RBFOX1: variants seen among roughly 807,000 people sequenced by gnomAD.
RBFOX1 encodes the protein RNA binding protein fox-1 homolog 1.
A neutral mutation model predicts 57.7 loss-of-function variants in RBFOX1; 8 were observed. That is an observed-to-expected ratio of 0.14 (90% CI 0.08 to 0.25). The LOEUF (loss-of-function observed/expected upper bound fraction) is 0.25, where lower values mean the gene tolerates loss of function less well. Ranked by LOEUF, RBFOX1 falls within the 10% of genes least tolerant of loss-of-function variation. The pLI, the probability that RBFOX1 is intolerant of heterozygous loss-of-function variation, is 1.00. For missense variants in RBFOX1, 611 were observed against 548.5 expected, an observed-to-expected ratio of 1.11 and a Z score of -1.14; for synonymous variants, 326 against 222.4, an observed-to-expected ratio of 1.47 and a Z score of -4.15.
intron 3 of RBFOX1, among the ~76,000 whole-genome samples, chr16:6,817,965 G>A (rs1176285680): frequency 2.0e-5 from 3 of 152,092 alleles, no homozygotes; most frequent in African/African-American, 4.8e-5. Flanking sequence ...GAGATGATCT[G>A]GTTTTAAACG....
intron 4 of RBFOX1, among the ~76,000 whole-genome samples, chr16:5,876,420 C>G (rs974192825): frequency 6.6e-6 from 1 of 152,128 alleles, no homozygotes; most frequent in African/African-American, 2.4e-5. Flanking sequence ...GACTCACACC[C>G]GAGGCTATCA....
chr16:5,793,871 C>T (rs1037622963), intron 3 of RBFOX1, among the ~76,000 whole-genome samples: 2 of 152,200 alleles, frequency 1.3e-5, no homozygotes, highest in Admixed American at 6.5e-5. Flanking sequence ...GACTGGAATC[C>T]AGCACGTTCT....
intron 4 of RBFOX1, among the ~76,000 whole-genome samples, chr16:5,976,318 A>G (rs919016216): frequency 1.3e-5 from 2 of 152,224 alleles, no homozygotes; most frequent in African/African-American, 4.8e-5. Context: ...CATCAGGATG[A>G]AAAGCTCACA....
intron 3 of RBFOX1, among the ~76,000 whole-genome samples, chr16:6,996,212 T>C (rs756267970): frequency 4.6e-5 from 7 of 152,250 alleles, no homozygotes; most frequent in Non-Finnish European, 1.0e-4. Flanking sequence ...CCTAGCCATC[T>C]TGAATACAGG....
intron 4 of RBFOX1, among the ~76,000 whole-genome samples, chr16:7,420,441 G>C (rs1238100371): frequency 6.6e-6 from 1 of 152,208 alleles, no homozygotes; most frequent in South Asian, 2.1e-4. Context: ...AGCAGCTTTT[G>C]TGAAGGACTC....
chr16:6,321,555 C>A (rs149329016), intron 2 of RBFOX1, among the ~76,000 whole-genome samples: 87 of 152,356 alleles, frequency 5.7e-4, no homozygotes, highest in African/African-American at 2.0e-3. Flanking sequence ...TTCATCTATT[C>A]TAACTGGTTG....
intron 2 of RBFOX1, among the ~76,000 whole-genome samples, chr16:6,560,398 T>G (rs1296920017): frequency 1.3e-5 from 2 of 151,794 alleles, no homozygotes; most frequent in Non-Finnish European, 1.5e-5. Context: ...GTGTGGGCCT[T>G]ACTGTGAAGG....
At chr16:7,270,804 C>A (rs138470087) in intron 4 of RBFOX1, among the ~76,000 whole-genome samples, 3 of 152,188 alleles carry the variant, frequency 2.0e-5, no homozygotes, top group Non-Finnish European at 2.9e-5. Flanking sequence ...CCTTCCCTAT[C>A]AACTTTCCCC....
chr16:6,992,603 C>T (rs527459999), intron 3 of RBFOX1, among the ~76,000 whole-genome samples: 6 of 152,128 alleles, frequency 3.9e-5, no homozygotes, highest in African/African-American at 9.6e-5. Context: ...GTAAAATGCA[C>T]ATAAAGGACT....
rs57080819 is a variant in RBFOX1, at chr16:5,709,695, C to G, written c.318+110734C>G. On this transcript the variant is annotated intron_variant, in intron 3 of 19. Coordinates refer to the RBFOX1 transcript ENST00000641259. ...TTTTCATTCAGGAGTTGAAATTCAT[C>G]TGACACCTGGTATTCTATGGTATAT... is the stretch of plus-strand genomic sequence containing the variant. Among the ~76,000 whole-genome samples the G allele has an allele frequency of 2.4e-5, 3 of 126,744 alleles. 1 individual carries two copies. Among genetic ancestry groups the G allele is most frequent in the African/African-American group, 7.8e-5 (3 of 38,576 alleles). 83.1% of individuals were successfully genotyped at this position (126,744 alleles called of 152,430 possible).
At chr16:6,009,895 T>G (rs1006817192) in intron 4 of RBFOX1, among the ~76,000 whole-genome samples, 3 of 151,758 alleles carry the variant, frequency 2.0e-5, no homozygotes, top group Non-Finnish European at 4.4e-5. Flanking sequence ...AATCAGAATC[T>G]CCAGCATGGA....
chr16:7,116,065 C>A (rs575611023), intron 4 of RBFOX1, among the ~76,000 whole-genome samples: 1 of 152,098 alleles, frequency 6.6e-6, no homozygotes. Flanking sequence ...CATAACAGCC[C>A]TTTCTCAGTG....
intron 4 of RBFOX1, among the ~76,000 whole-genome samples, chr16:7,172,611 A>G (rs2080916576): frequency 6.6e-6 from 1 of 152,144 alleles, no homozygotes; most frequent in African/African-American, 2.4e-5. Flanking sequence ...AAAAAAAAAG[A>G]AAACTCTCTC....
chr16:6,820,981 A>G (rs1358064915), intron 3 of RBFOX1, among the ~76,000 whole-genome samples: 1 of 152,240 alleles, frequency 6.6e-6, no homozygotes, highest in Non-Finnish European at 1.5e-5. Flanking sequence ...TATGTGTTAT[A>G]TACAGTTACT....
chr16:7,314,908 A>T (rs1266725106), intron 4 of RBFOX1, among the ~76,000 whole-genome samples: 2 of 152,198 alleles, frequency 1.3e-5, no homozygotes, highest in Non-Finnish European at 1.5e-5. Flanking sequence ...TATCGAGGAC[A>T]TTTATTTTCC....
intron 3 of RBFOX1, among the ~76,000 whole-genome samples, chr16:6,884,772 C>A (rs891074031): frequency 1.3e-5 from 2 of 152,082 alleles, no homozygotes; most frequent in African/African-American, 4.8e-5. Context: ...ATGGCACATA[C>A]CTGCAGTCCC....
intron 1 of RBFOX1, among the ~76,000 whole-genome samples, chr16:5,283,008 C>G (rs1174508776): frequency 6.6e-6 from 1 of 152,118 alleles, no homozygotes; most frequent in East Asian, 1.9e-4. Flanking sequence ...CCAGGGACCC[C>G]TACTGTGAGC....
chr16:6,992,364 C>T (rs551839577), intron 3 of RBFOX1, among the ~76,000 whole-genome samples: 1 of 152,058 alleles, frequency 6.6e-6, no homozygotes, highest in East Asian at 1.9e-4. Flanking sequence ...ACTACAGGTA[C>T]CCACCACCAT....
chr16:7,231,636 C>G (rs575152142), intron 4 of RBFOX1, among the ~76,000 whole-genome samples: 12 of 152,208 alleles, frequency 7.9e-5, no homozygotes, highest in African/African-American at 2.6e-4. Flanking sequence ...CAAAGACAAC[C>G]CAAATGCCTA....
Sources: allele counts gnomAD v4.1 joint callset (sites outside exome capture counted in the v4.1 genomes callset), GRCh38; gene constraint gnomAD v4.1.1; transcripts MANE v1.5; gene names NCBI Gene and HGNC (gene_info 2026-07-23, HGNC 2026-07-21).